CACNA1C: variants seen among roughly 807,000 people sequenced by gnomAD.
CACNA1C encodes the protein calcium voltage-gated channel subunit alpha1 C.
Under a neutral mutation model 229.0 loss-of-function variants are expected in CACNA1C, and 30 were observed. The observed-to-expected ratio is 0.13, with a 90% CI of 0.10 to 0.18. The LOEUF (loss-of-function observed/expected upper bound fraction) is 0.18. Among genes scored for constraint, CACNA1C ranks in the 10% least tolerant of loss-of-function variants. The probability of loss-of-function intolerance (pLI) is 1.00; values close to 1 mark genes in which losing one functional copy is unlikely to be tolerated. For synonymous variants in CACNA1C, 1,114 were observed against 1,132.5 expected, an observed-to-expected ratio of 0.98 and a Z score of 0.33; for missense variants, 1,658 against 2,845.0, an observed-to-expected ratio of 0.58 and a Z score of 9.49.
chr12:2,503,866 A>G (rs1056865977), intron 7 of CACNA1C, among the ~76,000 whole-genome samples: 2 of 152,236 alleles, frequency 1.3e-5, no homozygotes, highest in Non-Finnish European at 2.9e-5. Context: ...TGCCTCTCCC[A>G]GCCGGTGGCC....
At chr12:2,485,360 A>T (rs1158679791) in intron 5 of CACNA1C, among the ~76,000 whole-genome samples, 1 of 151,956 alleles carries the variant, frequency 6.6e-6, no homozygotes, top group Non-Finnish European at 1.5e-5. Context: ...TTTGCAAATG[A>T]TTTGCAGTGT....
Position 2,293,959 on chromosome 12 carries a change from G to T in CACNA1C, c.478-155017G>T, listed in dbSNP as rs370099715. ...ACTCTTGTAATAACTCTAATAGCAA[G>T]TCTTCTTTTGTGCTAATATATTAAT... On this transcript the variant is annotated intron_variant, in intron 3 of 46. Coordinates refer to ENST00000399655, the MANE Select transcript of CACNA1C (RefSeq NM_000719.7). Among the ~76,000 whole-genome samples, 8 of 152,212 alleles carry T rather than the reference G, an allele frequency of 5.3e-5. No homozygotes were observed. The South Asian group carries it at 1.5e-3, about 28-fold the overall frequency.
intron 1 of CACNA1C, among the ~76,000 whole-genome samples, chr12:2,104,022 C>A (rs989569711): frequency 6.6e-6 from 1 of 152,188 alleles, no homozygotes; most frequent in Non-Finnish European, 1.5e-5. Flanking sequence ...ATGCCCCCAG[C>A]TTTGCTCTTT....
chr12:2,506,587 TAACTAG>T (rs1393184944), intron 8 of CACNA1C, among the ~76,000 whole-genome samples: 9 of 152,214 alleles, frequency 5.9e-5, no homozygotes, highest in African/African-American at 1.9e-4. Context: ...GTGCCTGTTA[TAACTAG>T]AAGTATAGAA....
intron 1 of CACNA1C, among the ~76,000 whole-genome samples, chr12:2,113,881 G>A (rs1033953913): frequency 5.3e-5 from 8 of 152,214 alleles, no homozygotes; most frequent in African/African-American, 1.9e-4. Flanking sequence ...CAGAGGCTTC[G>A]TTGCCTAGAC....
At chr12:2,462,271 T>C (rs758232) in intron 5 of CACNA1C, among the ~76,000 whole-genome samples, 67,987 of 132,904 alleles carry the variant, frequency 0.51, 16,882 homozygotes, top group African/African-American at 0.56. Context: ...CATACAGGCC[T>C]GCACACTTCC....
intron 29 of CACNA1C, among the ~76,000 whole-genome samples, chr12:2,627,081 T>A (rs923539377): frequency 6.6e-5 from 10 of 152,064 alleles, no homozygotes; most frequent in African/African-American, 2.4e-4. Flanking sequence ...TGGGGTCCTC[T>A]CACGAGGCAA....
intron 13 of CACNA1C, among the ~76,000 whole-genome samples, chr12:2,580,402 G>T (rs375015193): frequency 7.9e-5 from 12 of 152,312 alleles, no homozygotes; most frequent in African/African-American, 2.4e-4. Flanking sequence ...GGAGTGGCTT[G>T]CATGTCACTC....
intron 29 of CACNA1C, among the ~76,000 whole-genome samples, chr12:2,617,288 T>C (rs2153479753): frequency 6.6e-6 from 1 of 152,322 alleles, no homozygotes; most frequent in Admixed American, 6.5e-5. Context: ...GGAGGTCAAA[T>C]GCTGGCTCTC....
chr12:2,007,054 T>C (rs2043594190), intron 1 of CACNA1C, among the ~76,000 whole-genome samples: 1 of 152,204 alleles, frequency 6.6e-6, no homozygotes, highest in African/African-American at 2.4e-5. Flanking sequence ...CTTAATCACA[T>C]ATGTGCTTCT....
intron 1 of CACNA1C, among the ~76,000 whole-genome samples, chr12:2,096,320 C>G (rs1160967405): frequency 1.3e-5 from 2 of 152,230 alleles, no homozygotes; most frequent in Non-Finnish European, 2.9e-5. Context: ...GCATCCTTCT[C>G]TGGGCCTATG....
intron 7 of CACNA1C, among the ~76,000 whole-genome samples, chr12:2,499,283 CG>C (rs1324779212): frequency 6.6e-6 from 1 of 152,182 alleles, no homozygotes; most frequent in African/African-American, 2.4e-5. Flanking sequence ...TGTAAAGCAC[CG>C]TGGCTTTCAC....
rs2089734531 is a variant in CACNA1C at position 2,630,272 on chromosome 12, CCCTT to C, written c.3829-4023_3829-4020del. On this transcript the variant is annotated intron_variant, in intron 29 of 46. Transcript: ENST00000399655. The surrounding 1 kb of genome is among the most constrained non-coding windows in gnomAD (Gnocchi z 5.4). ...ACGTGTATGATTTTTTTCCCACCCT[CCCTT>C]CTCCATTACACCCTTAAAACCCCTA... Among the ~76,000 whole-genome samples, 1 of 152,196 alleles carries C rather than the reference CCCTT, an allele frequency of 6.6e-6. No homozygotes were observed. The highest frequency in any genetic ancestry group is 1.5e-5 in the Non-Finnish European group (1 of 68,038).
chr12:2,500,529 C>T (rs1007718259), intron 7 of CACNA1C, among the ~76,000 whole-genome samples: 5 of 152,268 alleles, frequency 3.3e-5, no homozygotes, highest in African/African-American at 1.2e-4. Flanking sequence ...AGCCCAACTC[C>T]CACTCGCCAT....
intron 3 of CACNA1C, among the ~76,000 whole-genome samples, chr12:2,270,902 T>C (rs1456544405): frequency 1.3e-5 from 2 of 151,840 alleles, no homozygotes; most frequent in Non-Finnish European, 2.9e-5. Flanking sequence ...GGCTGGATGG[T>C]GGTGGGGGGT....
rs1056511856 is a variant in CACNA1C, at chr12:2,053,142, A to G, written c.-421A>G. On this transcript the variant is annotated 5_prime_UTR_variant, in exon 1 of 47. Coordinates refer to ENST00000399655, the MANE Select transcript of CACNA1C (RefSeq NM_000719.7). The surrounding 1 kb of genome is among the most constrained non-coding windows in gnomAD (Gnocchi z 5.8). ...CAGAGAGCCGGGCAGGGGCCTCAGGAGGACTCGCTGGGAGTGGGCAGAGGC... is the reference window on the plus strand; with the variant it reads ...CAGAGAGCCGGGCAGGGGCCTCAGGGGGACTCGCTGGGAGTGGGCAGAGGC... 1 of 984,100 alleles carries G rather than the reference A, an allele frequency of 1.0e-6. No homozygotes were observed. The allele number at this position is 984,100 out of a possible 1,614,324, so 61.0% of individuals were successfully genotyped here. A position where few individuals can be genotyped will look rare whatever the true frequency, so the allele number is the denominator to read the frequency against.
At chr12:2,272,280 G>C (rs1055116808) in intron 3 of CACNA1C, among the ~76,000 whole-genome samples, 2 of 152,132 alleles carry the variant, frequency 1.3e-5, no homozygotes, top group Non-Finnish European at 2.9e-5. Context: ...TACCCTGCCT[G>C]AAAAGCTCTC....
intron 2 of CACNA1C, 127 bp downstream of exon 2, chr12:2,115,672 C>A: frequency 1.2e-6 from 1 of 807,904 alleles, no homozygotes; most frequent in Non-Finnish European, 2.0e-6. Flanking sequence ...GGGCCTACTG[C>A]ATCTGCATCA....
chr12:2,315,568 G>T (rs1362084351), intron 3 of CACNA1C, among the ~76,000 whole-genome samples: 3 of 152,182 alleles, frequency 2.0e-5, no homozygotes, highest in African/African-American at 4.8e-5. Context: ...GGAAAGAAAC[G>T]AAGGCAGGTG....
Sources: gnomAD v4.1 joint callset for allele counts (sites outside exome capture counted in the v4.1 genomes callset) on GRCh38, gnomAD v4.1.1 for gene constraint, Gnocchi (gnomAD v3.1) non-coding constraint, MANE v1.5 for transcripts, NCBI Gene and HGNC (gene_info 2026-07-23, HGNC 2026-07-21) for gene names.